The following NAV3 variants were observed in gnomAD, a reference collection of about 807,000 sequenced individuals.
NAV3 encodes neuron navigator 3.
Under a neutral mutation model 244.7 loss-of-function variants are expected in NAV3, and 87 were observed. That is an observed-to-expected ratio of 0.36 (90% CI 0.30 to 0.42). NAV3 has a LOEUF of 0.42. NAV3 is among the 20% of genes least tolerant of loss of function. The pLI is 1.00. For synonymous variants in NAV3, 1,126 were observed against 1,042.2 expected, an observed-to-expected ratio of 1.08 and a Z score of -1.55; for missense variants, 2,663 against 2,893.3, an observed-to-expected ratio of 0.92 and a Z score of 1.83.
chr12:77,772,556 T>C (rs1870148218), intron 2 of NAV3, among the ~76,000 whole-genome samples: 2 of 152,314 alleles, frequency 1.3e-5, no homozygotes, highest in African/African-American at 4.8e-5. Context: ...AGCAAGGAGA[T>C]GCTAGTTAGC....
intron 3 of NAV3, among the ~76,000 whole-genome samples, chr12:77,956,615 T>A (rs1047339582): frequency 6.6e-6 from 1 of 152,234 alleles, no homozygotes; most frequent in Non-Finnish European, 1.5e-5. Flanking sequence ...AGGTAAGGAC[T>A]GGAGCGATCA....
chr12:77,848,469 C>T (rs1555214648), intron 1 of NAV3, among the ~76,000 whole-genome samples: 1 of 152,216 alleles, frequency 6.6e-6, no homozygotes, highest in African/African-American at 2.4e-5. Context: ...TGCAGAGTAA[C>T]TTCTAAGGCT....
At chr12:78,131,931 C>T (rs1330546604) in intron 18 of NAV3, among the ~76,000 whole-genome samples, 2 of 152,082 alleles carry the variant, frequency 1.3e-5, no homozygotes, top group African/African-American at 2.4e-5. Flanking sequence ...AGTAGTAATT[C>T]GCAACACAGT....
chr12:77,640,978 CATTGACTAGTG>C (rs1225694728), intron 2 of NAV3, among the ~76,000 whole-genome samples: 24 of 152,126 alleles, frequency 1.6e-4, no homozygotes, highest in African/African-American at 5.5e-4. Context: ...GTGGAAATGA[CATTGACTAGTG>C]ATTGACTATA....
At chr12:77,979,712 G>GAAAAAAAAAAA (rs150656996) in intron 5 of NAV3, among the ~76,000 whole-genome samples, 1 of 121,646 alleles carries the variant, frequency 8.2e-6, no homozygotes, top group Admixed American at 8.8e-5. Context: ...AAAAAAAAAA[G>GAAAAAAAAAAA]AAAAAAAAAA....
At chr12:78,012,846 CTAATG>C (rs1385751363) in intron 8 of NAV3, among the ~76,000 whole-genome samples, 4 of 152,070 alleles carry the variant, frequency 2.6e-5, no homozygotes, top group African/African-American at 9.7e-5. Context: ...CAGCCACCTC[CTAATG>C]TAATGTAAGT....
intron 2 of NAV3, among the ~76,000 whole-genome samples, chr12:77,667,852 TG>T (rs1232265253): frequency 1.3e-5 from 2 of 152,026 alleles, no homozygotes; most frequent in Non-Finnish European, 2.9e-5. Context: ...AACACAAAAC[TG>T]GTGCACTAAA....
intron 2 of NAV3, among the ~76,000 whole-genome samples, chr12:77,599,728 T>A (rs1304027879): frequency 6.6e-6 from 1 of 151,900 alleles, no homozygotes; most frequent in East Asian, 1.9e-4. Flanking sequence ...AATAATTAAG[T>A]CATCTTATTT....
In NAV3 at chr12:77,712,020, C is replaced by A. The variant is rs555045326; in HGVS notation, c.72+139754C>A. On this transcript the variant is annotated intron_variant, in intron 2 of 8. Transcript: ENST00000550042. ...AAAGCTTAGCTCTTTTGAATTAAGT[C>A]TGTGCATGTCTGTCCTTTAAACCCC... 2.6e-5 allele frequency among the ~76,000 whole-genome samples: 4 copies of A among 152,254 alleles called. No homozygotes were observed. In the East Asian group the frequency reaches 5.8e-4, roughly 22 times the overall value.
intron 2 of NAV3, among the ~76,000 whole-genome samples, chr12:77,620,560 C>G (rs1165996774): frequency 6.6e-6 from 1 of 151,804 alleles, no homozygotes; most frequent in Non-Finnish European, 1.5e-5. Context: ...CCTCCTTATT[C>G]AAGTGATTCT....
intron 12 of NAV3, among the ~76,000 whole-genome samples, chr12:78,105,427 A>G (rs1222531090): frequency 6.6e-6 from 1 of 152,090 alleles, no homozygotes; most frequent in Non-Finnish European, 1.5e-5. Context: ...GAAAATGCTT[A>G]GAATGGTATC....
rs2137258511 is a variant in NAV3 at position 78,051,024 on chromosome 12, A to G, written c.2393A>G (p.Gln798Arg). ...AAVSRLGNMS[Q>R]IDMSEKASSD... ...GTCTCTAGGCTGGGAAACATGTCAC[A>G]GATTGACATGAGTGAGAAAGCAAGC... is the stretch of plus-strand genomic sequence containing the variant. The change falls in exon 11 of 40, where the codon CAG (glutamine) becomes CGG (arginine). Residue 798 changes from glutamine (Q) to arginine (R), a missense_variant. By Grantham distance (43) the Gln-to-Arg change is conservative (BLOSUM62 1). This residue lies in a region of NAV3 where 1,521 missense variants were observed against 1,497.0 expected (regional missense o/e 1.02). Transcript: ENST00000397909. 6.2e-7 allele frequency: 1 copy of G among 1,614,146 alleles called. No individual in the cohort carries two copies. Among genetic ancestry groups the G allele is most frequent in the Non-Finnish European group, 8.5e-7 (1 of 1,180,028 alleles).
At chr12:78,011,892 G>A (rs1875342517) in intron 8 of NAV3, among the ~76,000 whole-genome samples, 1 of 152,054 alleles carries the variant, frequency 6.6e-6, no homozygotes, top group South Asian at 2.1e-4. Context: ...CATGGCAGCA[G>A]GTGAGAAAGA....
chr12:78,176,522 G>C, intron 26 of NAV3, 63 bp downstream of exon 26: 9 of 1,540,198 alleles, frequency 5.8e-6, no homozygotes, highest in Non-Finnish European at 8.1e-6. Flanking sequence ...TGGCATGAAT[G>C]CTATCCATTT....
chr12:77,923,376 A>G (rs933517252), intron 1 of NAV3, among the ~76,000 whole-genome samples: 1 of 152,128 alleles, frequency 6.6e-6, no homozygotes, highest in Non-Finnish European at 1.5e-5. Context: ...TATCAGAGCT[A>G]AAATAGGAGA....
At chr12:77,816,069 T>G (rs1233721197) in intron 2 of NAV3, among the ~76,000 whole-genome samples, 1 of 151,960 alleles carries the variant, frequency 6.6e-6, no homozygotes, top group Non-Finnish European at 1.5e-5. Flanking sequence ...AGAAGCCTGA[T>G]GGGAAAAAAA....
intron 2 of NAV3, among the ~76,000 whole-genome samples, chr12:77,773,696 T>C (rs1870212760): frequency 6.6e-6 from 1 of 152,182 alleles, no homozygotes; most frequent in Non-Finnish European, 1.5e-5. Flanking sequence ...ACAATTTTAA[T>C]AATGTACATC....
chr12:77,910,351 A>C (rs566258447), intron 1 of NAV3, among the ~76,000 whole-genome samples: 1 of 151,878 alleles, frequency 6.6e-6, no homozygotes, highest in Non-Finnish European at 1.5e-5. Flanking sequence ...TAAACAACCA[A>C]TTCTTCCTTG....
intron 18 of NAV3, among the ~76,000 whole-genome samples, chr12:78,135,576 A>T (rs897494703): frequency 2.6e-5 from 4 of 152,168 alleles, no homozygotes; most frequent in Non-Finnish European, 4.4e-5. Flanking sequence ...TACTAAAATG[A>T]TGCACTTGCA....
Sources: gnomAD v4.1 joint callset for allele counts (sites outside exome capture counted in the v4.1 genomes callset) on GRCh38, gnomAD v4.1.1 for gene constraint, gnomAD v4.1.1 regional missense constraint, MANE v1.5 for transcripts, NCBI Gene and HGNC (gene_info 2026-07-23, HGNC 2026-07-21) for gene names.